The following PROSER3 variants were observed in gnomAD, a reference collection of about 807,000 sequenced individuals.
PROSER3 encodes the protein proline and serine-rich protein 3.
A neutral mutation model predicts 50.2 loss-of-function variants in PROSER3; 33 were observed. That is an observed-to-expected ratio of 0.66 (90% CI 0.50 to 0.88). The LOEUF (loss-of-function observed/expected upper bound fraction) is 0.88, where lower values mean the gene tolerates loss of function less well. Among genes scored for constraint, PROSER3 ranks in the 40% least tolerant of loss-of-function variants. The pLI is 0.00. For missense variants in PROSER3, 623 were observed against 612.7 expected (o/e 1.02, Z -0.18); for synonymous variants, 266 against 259.3 (o/e 1.03, Z -0.25).
intron 1 of PROSER3, chr19:35,759,079 A>C: frequency 3.1e-6 from 1 of 317,664 alleles, no homozygotes; most frequent in Non-Finnish European, 5.9e-6. Context: ...TTGGTCTGGA[A>C]TGGGAACCGC....
intron 5 of PROSER3, among the ~76,000 whole-genome samples, chr19:35,763,704 C>T (rs1232988902): frequency 1.3e-5 from 2 of 150,916 alleles, no homozygotes; most frequent in South Asian, 2.1e-4. Flanking sequence ...GATGGGGTTT[C>T]ACCATGTTAG....
chr19:35,768,373 C>G, intron 10 of PROSER3, 31 bp from the exon 11 acceptor site: 3 of 1,589,242 alleles, frequency 1.9e-6, no homozygotes, highest in Non-Finnish European at 2.6e-6. Flanking sequence ...GAGCACATAC[C>G]CCAGCCTCTG....
At chr19:35,764,513 G>C (rs956346731) in intron 5 of PROSER3, among the ~76,000 whole-genome samples, 4 of 152,082 alleles carry the variant, frequency 2.6e-5, no homozygotes, top group Non-Finnish European at 5.9e-5. Context: ...AAAATTAGCC[G>C]AGCGTGGTGG....
At chr19:35,768,463 C>A (rs868229809) in exon 11 of PROSER3, 6 of 1,598,248 alleles carry the variant, frequency 3.8e-6, no homozygotes, top group Non-Finnish European at 4.2e-6. Flanking sequence ...GGATCTTGGT[C>A]CCCTCCAGCC....
rs768332673 is a variant in PROSER3, at chr19:35,768,388, C to T, written c.1302-16C>T. Reference sequence around the variant, plus strand: ...GAGCACATACCCCAGCCTCTGCTCTCCCGGCCTTTCTCCAGGGAAGCGGAT... The same window carrying T: ...GAGCACATACCCCAGCCTCTGCTCTTCCGGCCTTTCTCCAGGGAAGCGGAT... On this transcript the variant is annotated splice_polypyrimidine_tract_variant and intron_variant, in intron 10 of 10. Coordinates refer to ENST00000396908, the Ensembl canonical transcript of PROSER3. The T allele has an allele frequency of 1.9e-6, 3 of 1,593,354 alleles. No homozygotes were observed. The highest frequency in any genetic ancestry group is 1.7e-6 in the Non-Finnish European group (2 of 1,176,696).
rs1352419975 is a variant in PROSER3 at position 35,758,507 on chromosome 19, T to C, written c.11+281T>C. The C allele has an allele frequency of 1.8e-5, 7 of 392,128 alleles. No individual in the cohort carries two copies. The East Asian group carries it at 1.9e-4, about 11-fold the overall frequency. 24.3% of individuals were successfully genotyped at this position (392,128 alleles called of 1,614,324 possible). A position where few individuals can be genotyped will look rare whatever the true frequency, so the allele number is the denominator to read the frequency against. On this transcript the variant is annotated intron_variant, in intron 1 of 10. Transcript: ENST00000396908. ...GGCTTGAGATCTGAATTTCTTCATT[T>C]TGAAATGGCCCCCAGACACGCCTGG... is the stretch of plus-strand genomic sequence containing the variant.
At chr19:35,760,878 A>G (rs1459209340) in intron 3 of PROSER3, among the ~76,000 whole-genome samples, 1 of 152,226 alleles carries the variant, frequency 6.6e-6, no homozygotes, top group Non-Finnish European at 1.5e-5. Flanking sequence ...TGCTTCTCAC[A>G]TAGTCACCAC....
chr19:35,768,440 G>C (rs750781486), exon 11 of PROSER3: 1 of 1,598,056 alleles, frequency 6.3e-7, no homozygotes, highest in Non-Finnish European at 8.5e-7. Context: ...TGTTGGACCA[G>C]GCTGAAGACC....
chr19:35,763,862 G>A (rs962574615), intron 5 of PROSER3, among the ~76,000 whole-genome samples: 1 of 149,774 alleles, frequency 6.7e-6, no homozygotes, highest in Non-Finnish European at 1.5e-5. Context: ...GAGTGCAGTG[G>A]CACAATCATG....
At chr19:35,768,260 GTC>G in intron 10 of PROSER3, 24 bp downstream of exon 10, 1 of 1,604,670 alleles carries the variant, frequency 6.2e-7, no homozygotes, top group Non-Finnish European at 8.5e-7. Flanking sequence ...CATCCCCAGA[GTC>G]TATGACACTG....
At chr19:35,770,147 C>T (rs1971293311), downstream of PROSER3, among the ~76,000 whole-genome samples, 1 of 152,058 alleles carries the variant, frequency 6.6e-6, no homozygotes, top group African/African-American at 2.4e-5. Context: ...TCGTGATCCT[C>T]CTGCCTCAGC....
chr19:35,759,719 C>G (rs1433632487), intron 2 of PROSER3, 70 bp from the exon 3 acceptor site: 1 of 1,394,140 alleles, frequency 7.2e-7, no homozygotes, highest in East Asian at 2.5e-5. Context: ...TTGTGTGTGT[C>G]CTGGTTCCCC....
downstream of PROSER3, among the ~76,000 whole-genome samples, chr19:35,770,094 G>A (rs57770499): frequency 0.23 from 35,476 of 151,896 alleles, 4,424 homozygotes; most frequent in East Asian, 0.42. Flanking sequence ...TAGTAGAGAC[G>A]GGGTTTCACC....
At chr19:35,759,741 C>T (rs1175320679) in intron 2 of PROSER3, 48 bp from the exon 3 acceptor site, 2 of 1,493,520 alleles carry the variant, frequency 1.3e-6, no homozygotes, top group Non-Finnish European at 1.8e-6. Context: ...GCAGGGATGA[C>T]CCATGAGACC....
chr19:35,762,004 C>A lies in PROSER3; in HGVS notation c.312-15C>A. 1 of 1,581,576 alleles carries A rather than the reference C, an allele frequency of 6.3e-7. No individual in the cohort carries two copies. The highest frequency in any genetic ancestry group is 1.1e-5 in the South Asian group (1 of 88,124). ...CTCCTCACTCCACTCACCTCCTATC[C>A]CCTGATGTTCACAGGTATATAAACA... On this transcript the variant is annotated splice_polypyrimidine_tract_variant and intron_variant, in intron 3 of 10. Coordinates refer to ENST00000396908, the Ensembl canonical transcript of PROSER3.
chr19:35,767,437 C>T (rs1971190125), intron 8 of PROSER3: 1 of 324,324 alleles, frequency 3.1e-6, no homozygotes, highest in Non-Finnish European at 5.7e-6. Context: ...CCCCGGCTCC[C>T]CTGGCCTGTA....
intron 7 of PROSER3, among the ~76,000 whole-genome samples, chr19:35,765,433 A>T (rs996101411): frequency 1.3e-5 from 2 of 152,108 alleles, no homozygotes; most frequent in Non-Finnish European, 2.9e-5. Flanking sequence ...CGTGGTACAT[A>T]ATGGTGCATA....
chr19:35,768,118 C>A (rs761702846), intron 9 of PROSER3, 37 bp from the exon 10 acceptor site: 3 of 1,603,638 alleles, frequency 1.9e-6, no homozygotes, highest in Non-Finnish European at 2.6e-6. Context: ...CCTAAGAGGC[C>A]GGCCCCTTGG....
chr19:35,760,270 G>A (rs1970913709), intron 3 of PROSER3, among the ~76,000 whole-genome samples: 1 of 151,924 alleles, frequency 6.6e-6, no homozygotes, highest in South Asian at 2.1e-4. Flanking sequence ...CAGGCTGGAG[G>A]TCAGTGGTAC....
Sources: gnomAD v4.1 joint callset for allele counts (sites outside exome capture counted in the v4.1 genomes callset) on GRCh38, gnomAD v4.1.1 for gene constraint, MANE v1.5 for transcripts, NCBI Gene and HGNC (gene_info 2026-07-23, HGNC 2026-07-21) for gene names.